Variants in SH3TC1 observed in about 807,000 individuals in gnomAD.
The protein encoded by SH3TC1 is SH3 domain and tetratricopeptide repeat-containing protein 1.
SH3TC1 carries 135 observed loss-of-function variants against 117.3 expected under a neutral mutation model. The observed-to-expected ratio is 1.15, with a 90% CI of 1.00 to 1.33. The LOEUF (loss-of-function observed/expected upper bound fraction) is 1.33, where lower values mean the gene tolerates loss of function less well. Ranked by LOEUF, SH3TC1 falls within the 40% of genes most tolerant of loss-of-function variation. SH3TC1 has a pLI of 0.00. For missense variants in SH3TC1, 2,092 were observed against 1,794.3 expected, an observed-to-expected ratio of 1.17 and a Z score of -3.00; for synonymous variants, 898 against 816.9, an observed-to-expected ratio of 1.10 and a Z score of -1.69.
chr4:8,224,962 T>C, intron 10 of SH3TC1: 1 of 584,826 alleles, frequency 1.7e-6, no homozygotes, highest in Non-Finnish European at 3.1e-6. Flanking sequence ...AGTGCTCCTA[T>C]GCTGGTTGCA....
Position 8,233,401 on chromosome 4 carries a change from TG to T in SH3TC1, c.3174del (p.Ile1059PhefsTer85), listed in dbSNP as rs1721431498. ...KSALDYTKRS[L>X]GIFIDLQKKE... ...GCACTGGACTACACCAAACGAAGTC[TG>T]GGGATTTTCATTGACCTCCAGAAGA... On this transcript the variant is annotated frameshift_variant, in exon 14 of 18. Coordinates refer to ENST00000245105, the MANE Select transcript of SH3TC1 (RefSeq NM_018986.5). LOFTEE classifies it high-confidence loss of function. The T allele has an allele frequency of 2.5e-6, 4 of 1,613,786 alleles. No individual in the cohort carries two copies. In the East Asian group the frequency reaches 8.9e-5, roughly 36 times the overall value.
intron 1 of SH3TC1, among the ~76,000 whole-genome samples, chr4:8,203,930 G>T (rs1281128): frequency 1.3e-5 from 2 of 152,032 alleles, no homozygotes; most frequent in Admixed American, 6.5e-5. Context: ...TGGGAGATGG[G>T]GATAAGGACA....
Position 8,186,280 on chromosome 4 carries a change from C to T in SH3TC1, c.-57+4070C>T, listed in dbSNP as rs1045957552. On this transcript the variant is annotated intron_variant, in intron 1 of 16. Transcript: ENST00000508641. The surrounding 1 kb of genome is among the most constrained non-coding windows in gnomAD (Gnocchi z 5.2). The stretch of plus-strand genomic sequence containing the variant: ...CATCAGACAAACCCCAGTGCAAGCA[C>T]AATCACAAAGATACCTGCCAGTTCT... Among the ~76,000 whole-genome samples, 2 of 152,184 alleles carry T rather than the reference C, an allele frequency of 1.3e-5. No individual in the cohort carries two copies. The highest frequency in any genetic ancestry group is 4.8e-5 in the African/African-American group (2 of 41,438).
At chr4:8,199,094 G>A (rs1179221687), upstream of SH3TC1, among the ~76,000 whole-genome samples, 1 of 152,234 alleles carries the variant, frequency 6.6e-6, no homozygotes, top group African/African-American at 2.4e-5. Context: ...TGGGGGCTGG[G>A]CAGCGGGCAG....
intron 1 of SH3TC1, chr4:8,204,685 A>G (rs1175638228): frequency 6.6e-6 from 1 of 152,512 alleles, no homozygotes; most frequent in Admixed American, 6.5e-5. Context: ...TCCCCTGTGC[A>G]CCTCAGCCCT....
intron 2 of SH3TC1, among the ~76,000 whole-genome samples, chr4:8,207,761 G>A (rs1248806794): frequency 6.6e-6 from 1 of 152,154 alleles, no homozygotes; most frequent in African/African-American, 2.4e-5. Flanking sequence ...CACTTTCTGG[G>A]ACATGAGATA....
chr4:8,227,374 C>A lies in SH3TC1; in HGVS notation c.1680C>A (p.Ala560=), dbSNP rs1340891815. The A allele has an allele frequency of 6.4e-7, 1 of 1,567,958 alleles. No homozygotes were observed. The highest frequency in any genetic ancestry group is 1.2e-5 in the South Asian group (1 of 84,138). Residue 560 remains alanine, a synonymous_variant, in exon 12 of 18, where the codon GCC becomes GCA. Coordinates refer to ENST00000245105, the MANE Select transcript of SH3TC1 (RefSeq NM_018986.5). ...AKKAGLLMAL[A]RLCFLLGRLC... is the part of the protein sequence containing the mutation. ...AAGCTGGCCTCCTCATGGCCCTGGC[C>A]AGGCTCTGCTTCCTCCTGGGGCGGC...
At chr4:8,204,801 GGGAGCACGGT>G (rs1718062751) in intron 1 of SH3TC1, 1 of 172,568 alleles carries the variant, frequency 5.8e-6, no homozygotes, top group Non-Finnish European at 1.2e-5. Flanking sequence ...GCACTGTTCC[GGGAGCACGGT>G]CTGTTGGGTG....
chr4:8,220,836 TAC>T (rs1256802772), intron 9 of SH3TC1, among the ~76,000 whole-genome samples: 1 of 152,224 alleles, frequency 6.6e-6, no homozygotes, highest in Non-Finnish European at 1.5e-5. Flanking sequence ...TCTGCTCTGG[TAC>T]CTCTGGCACC....
rs1001485203 is a variant in SH3TC1 at position 8,186,141 on chromosome 4, G to A, written c.-57+3931G>A. 6.6e-6 allele frequency among the ~76,000 whole-genome samples: 1 copy of A among 152,204 alleles called. No individual in the cohort carries two copies. Among genetic ancestry groups the A allele is most frequent in the Admixed American group, 6.5e-5 (1 of 15,288 alleles). The stretch of plus-strand genomic sequence containing the variant: ...CTTGAAGTGGAGGTCAGCTTCTCAA[G>A]CGGGGTTTAATTAACAGCAGCTGCT... On this transcript the variant is annotated intron_variant, in intron 1 of 16. Transcript: ENST00000508641. The surrounding 1 kb of genome is among the most constrained non-coding windows in gnomAD (Gnocchi z 5.2).
intron 15 of SH3TC1, 25 bp downstream of exon 15, chr4:8,235,580 G>A (rs1721735362): frequency 6.4e-7 from 1 of 1,562,168 alleles, no homozygotes; most frequent in Non-Finnish European, 8.7e-7. Context: ...GGGCTGATGT[G>A]GGTGGGCCCC....
At position 8,240,794 on chromosome 4, in the gene SH3TC1, G is replaced by T. The variant is rs146085653; in HGVS notation, c.3850G>T (p.Ala1284Ser). The T allele has an allele frequency of 2.5e-6, 4 of 1,614,136 alleles. No homozygotes were observed. In the African/African-American group the frequency reaches 4.0e-5, roughly 16 times the overall value. Residue 1284 changes from alanine (A) to serine (S), a missense_variant, in exon 18 of 18, where the codon GCC (alanine) becomes TCC (serine). By Grantham distance (99) the Ala-to-Ser change is moderately conservative. Transcript: ENST00000245105. ...KAQLKIYTRL[A>S]TIYHNFLLDR... ...ACAGCTGAAGATCTACACGCGGCTG[G>T]CCACCATCTACCACAACTTCCTCCT...
rs1720738868 is a variant in SH3TC1 at position 8,228,203 on chromosome 4, C to T, written c.2509C>T (p.Leu837Phe). Residue 837 changes from leucine (L) to phenylalanine (F), a missense_variant, in exon 12 of 18, where the codon CTT (leucine) becomes TTT (phenylalanine). By Grantham distance (22) the Leu-to-Phe change is conservative. Transcript: ENST00000245105. ...GGTGGCCCTGGCCTGGCTGCACGTGCTTCATGGGCAGAGCCCGGTGGCCCT... is the reference window on the plus strand; with the variant it reads ...GGTGGCCCTGGCCTGGCTGCACGTGTTTCATGGGCAGAGCCCGGTGGCCCT... ...HLVALAWLHV[L>F]HGQSPVALDI... is the part of the protein sequence containing the mutation. The T allele has an allele frequency of 6.2e-7, 1 of 1,609,120 alleles. No homozygotes were observed.
rs1720397636 is a variant in SH3TC1 at position 8,225,731 on chromosome 4, T to C, written c.1285+515T>C. On this transcript the variant is annotated intron_variant, in intron 11 of 17. Coordinates refer to ENST00000245105, the MANE Select transcript of SH3TC1 (RefSeq NM_018986.5). The surrounding 1 kb of genome is among the most constrained non-coding windows in gnomAD (Gnocchi z 5.5). ...CTCTTCCCCTCACACAGGGTCCGCATGGGGAGAGCCTGGGGATGTGGACAC... is the reference window on the plus strand; with the variant it reads ...CTCTTCCCCTCACACAGGGTCCGCACGGGGAGAGCCTGGGGATGTGGACAC... 6.6e-6 allele frequency among the ~76,000 whole-genome samples: 1 copy of C among 152,096 alleles called. No individual in the cohort carries two copies. The highest frequency in any genetic ancestry group is 2.1e-4 in the South Asian group (1 of 4,808).
chr4:8,192,789 G>A lies in SH3TC1; in HGVS notation c.-57+10579G>A, dbSNP rs1717456062. Among the ~76,000 whole-genome samples the A allele has an allele frequency of 6.6e-6, 1 of 152,210 alleles. No individual in the cohort carries two copies. Among genetic ancestry groups the A allele is most frequent in the Non-Finnish European group, 1.5e-5 (1 of 68,036 alleles). On this transcript the variant is annotated intron_variant, in intron 1 of 16. Coordinates refer to the SH3TC1 transcript ENST00000508641. The surrounding 1 kb of genome is among the most constrained non-coding windows in gnomAD (Gnocchi z 4.1). The stretch of plus-strand genomic sequence containing the variant: ...TTACAGGCGTGAGCCACGGTGCCCG[G>A]CCCACTTGTCTTTATTTGTTGCCTT...
chr4:8,226,829 C>T, intron 11 of SH3TC1, 151 bp from the exon 12 acceptor site: 1 of 501,590 alleles, frequency 2.0e-6, no homozygotes, highest in Non-Finnish European at 3.4e-6. Context: ...GCACATAATT[C>T]TCAAGGGCTC....
chr4:8,222,709 T>C (rs191330486), intron 9 of SH3TC1, 131 bp from the exon 10 acceptor site: 3 of 1,157,694 alleles, frequency 2.6e-6, no homozygotes, highest in Non-Finnish European at 3.6e-6. Flanking sequence ...TAAATCTCTG[T>C]CTCTACCCCT....
intron 17 of SH3TC1, among the ~76,000 whole-genome samples, chr4:8,239,553 GGCACATGCACAC>G (rs1722150056): frequency 6.8e-6 from 1 of 146,988 alleles, no homozygotes; most frequent in East Asian, 2.0e-4. Flanking sequence ...CACACACACA[GGCACATGCACAC>G]GCAAATGCAC....
At chr4:8,191,177 G>C (rs1195754247) in intron 1 of SH3TC1, among the ~76,000 whole-genome samples, 1 of 152,230 alleles carries the variant, frequency 6.6e-6, no homozygotes, top group Non-Finnish European at 1.5e-5. Context: ...GGAGTCTCAG[G>C]CACCTGGTCA....
Sources: allele counts gnomAD v4.1 joint callset (sites outside exome capture counted in the v4.1 genomes callset), GRCh38; gene constraint gnomAD v4.1.1; non-coding constraint Gnocchi (gnomAD v3.1); transcripts MANE v1.5; gene names NCBI Gene and HGNC (gene_info 2026-07-23, HGNC 2026-07-21).